PEBP4: variants seen among roughly 807,000 people sequenced by gnomAD.
The protein encoded by PEBP4 is phosphatidylethanolamine binding protein 4, also known as phosphatidylethanolamine-binding protein 4.
PEBP4 carries 22 observed loss-of-function variants against 23.9 expected under a neutral mutation model. The ratio of observed to expected loss-of-function variants is 0.92; its 90% confidence interval spans 0.66 to 1.31. PEBP4 has a LOEUF of 1.31. Ranked by LOEUF, PEBP4 falls within the 40% of genes most tolerant of loss-of-function variation. The pLI, the probability that PEBP4 is intolerant of heterozygous loss-of-function variation, is 0.00. For missense variants in PEBP4, 324 were observed against 281.7 expected, an observed-to-expected ratio of 1.15 and a Z score of -1.07; for synonymous variants, 112 against 99.3, an observed-to-expected ratio of 1.13 and a Z score of -0.76.
In PEBP4 at chr8:22,780,108, C is replaced by A. The variant is rs149917992; in HGVS notation, c.357+37529G>T. ...GGACCACAGGTGCTGGGACCACAGG[C>A]ACGCACTATCACATCCAGCTAATTT... On this transcript the variant is annotated intron_variant, in intron 4 of 6. Coordinates refer to ENST00000256404, the MANE Select transcript of PEBP4 (RefSeq NM_144962.3). 4.9e-3 allele frequency among the ~76,000 whole-genome samples: 747 copies of A among 152,198 alleles called. 9 individuals are homozygous for A. The highest frequency in any genetic ancestry group is 0.011 in the South Asian group (51 of 4,820).
At chr8:22,878,867 G>C (rs888934833) in intron 3 of PEBP4, among the ~76,000 whole-genome samples, 1 of 152,172 alleles carries the variant, frequency 6.6e-6, no homozygotes, top group Non-Finnish European at 1.5e-5. Flanking sequence ...GCAGACCCTG[G>C]AGGCTGGAAG....
intron 3 of PEBP4, among the ~76,000 whole-genome samples, chr8:22,839,921 GA>G: frequency 6.6e-6 from 1 of 152,316 alleles, no homozygotes; most frequent in African/African-American, 2.4e-5. Context: ...ACTTGTTGGG[GA>G]AAGAAAGAAA....
intron 3 of PEBP4, among the ~76,000 whole-genome samples, chr8:22,875,780 G>A (rs1104873): frequency 0.25 from 37,420 of 151,740 alleles, 5,043 homozygotes; most frequent in Middle Eastern, 0.34. Flanking sequence ...GAAACCCGGC[G>A]AAGTCTCAAG....
chr8:22,789,992 T>C (rs2128756676), intron 4 of PEBP4, among the ~76,000 whole-genome samples: 1 of 152,258 alleles, frequency 6.6e-6, no homozygotes, highest in South Asian at 2.1e-4. Context: ...GTCCAATGCC[T>C]CTTCTCTGGC....
intron 3 of PEBP4, among the ~76,000 whole-genome samples, chr8:22,836,759 T>C (rs1301857891): frequency 6.6e-6 from 1 of 152,064 alleles, no homozygotes; most frequent in Admixed American, 6.5e-5. Flanking sequence ...CTGAGAAACG[T>C]ATGTAAATTT....
At chr8:22,809,747 C>G (rs1806579634) in intron 4 of PEBP4, among the ~76,000 whole-genome samples, 1 of 152,224 alleles carries the variant, frequency 6.6e-6, no homozygotes, top group South Asian at 2.1e-4. Flanking sequence ...CTCCCTCTCT[C>G]CTTTTCTTCC....
At chr8:22,740,987 A>T (rs1345507291) in intron 4 of PEBP4, among the ~76,000 whole-genome samples, 1 of 151,930 alleles carries the variant, frequency 6.6e-6, no homozygotes, top group Admixed American at 6.6e-5. Flanking sequence ...GTGAGGAGGG[A>T]GGGTTGCTTG....
In PEBP4 at chr8:22,800,759, C is replaced by G. The variant is rs573184909; in HGVS notation, c.357+16878G>C. ...GATACCCAGAGCTGAGTGTCCTGCC[C>G]AGGGAGGGGCTGCAGAGGGCAGCAG... On this transcript the variant is annotated intron_variant, in intron 4 of 6. Transcript: ENST00000256404. 2.0e-5 allele frequency among the ~76,000 whole-genome samples: 3 copies of G among 152,246 alleles called. No individual in the cohort carries two copies. The South Asian group carries it at 6.2e-4, about 32-fold the overall frequency.
At chr8:22,844,686 G>A (rs745700190) in intron 3 of PEBP4, among the ~76,000 whole-genome samples, 14 of 152,198 alleles carry the variant, frequency 9.2e-5, no homozygotes, top group Admixed American at 3.3e-4. Flanking sequence ...TCCTCCAGGA[G>A]TTCAGGGAGA....
chr8:22,936,965 T>G (rs1268426753), intron 1 of PEBP4, among the ~76,000 whole-genome samples: 1 of 152,120 alleles, frequency 6.6e-6, no homozygotes, highest in African/African-American at 2.4e-5. Context: ...ATAAAGGCCA[T>G]ATACAAAAAG....
At chr8:22,757,952 G>T (rs964063871) in intron 4 of PEBP4, 2 of 152,218 alleles carry the variant, frequency 1.3e-5, no homozygotes, top group Admixed American at 6.5e-5. Context: ...AGCCGCAGGT[G>T]CGATGAAAAG....
chr8:22,902,198 G>A (rs541122503), intron 3 of PEBP4, among the ~76,000 whole-genome samples: 175 of 151,832 alleles, frequency 1.2e-3, no homozygotes, highest in Middle Eastern at 3.4e-3. Context: ...GCTTGGTGGT[G>A]CACGCCTGTA....
chr8:22,891,423 C>A (rs1167729501), intron 3 of PEBP4, among the ~76,000 whole-genome samples: 3 of 152,182 alleles, frequency 2.0e-5, no homozygotes, highest in Non-Finnish European at 2.9e-5. Context: ...ACCCAAGTAA[C>A]AAATCCAAGA....
At chr8:22,905,280 T>C (rs74473152) in intron 3 of PEBP4, among the ~76,000 whole-genome samples, 8,676 of 151,860 alleles carry the variant, frequency 0.057, 299 homozygotes, top group African/African-American at 0.078. Context: ...ACATCCTTTT[T>C]TTTTAAAAAA....
At chr8:22,867,412 C>T (rs1203379840) in intron 3 of PEBP4, among the ~76,000 whole-genome samples, 2 of 152,156 alleles carry the variant, frequency 1.3e-5, no homozygotes, top group Admixed American at 1.3e-4. Context: ...TGTCAATAAC[C>T]CCCCAGCCCT....
chr8:22,936,030 AAAG>A (rs1418854932), intron 1 of PEBP4, among the ~76,000 whole-genome samples: 2 of 151,592 alleles, frequency 1.3e-5, no homozygotes, highest in Non-Finnish European at 2.9e-5. Context: ...AAAAAAAAAA[AAAG>A]AACAAGATAA....
At chr8:22,764,653 T>C (rs1387885371) in intron 4 of PEBP4, among the ~76,000 whole-genome samples, 2 of 151,912 alleles carry the variant, frequency 1.3e-5, no homozygotes, top group Non-Finnish European at 2.9e-5. Context: ...GAGTGTGTGG[T>C]GGGGATTTGG....
chr8:22,925,842 C>T (rs539311126), intron 2 of PEBP4, among the ~76,000 whole-genome samples: 74 of 152,330 alleles, frequency 4.9e-4, no homozygotes, highest in Non-Finnish European at 7.5e-4. Context: ...CTGCTCAGAG[C>T]GAGAAGCCTG....
intron 4 of PEBP4, among the ~76,000 whole-genome samples, chr8:22,748,616 A>G (rs1040504135): frequency 6.8e-6 from 1 of 147,140 alleles, no homozygotes; most frequent in Non-Finnish European, 1.5e-5. Flanking sequence ...GGGGAGAACA[A>G]GGAGGGGGTG....
Sources: allele counts gnomAD v4.1 joint callset (sites outside exome capture counted in the v4.1 genomes callset), GRCh38; gene constraint gnomAD v4.1.1; transcripts MANE v1.5; gene names NCBI Gene and HGNC (gene_info 2026-07-23, HGNC 2026-07-21).